The following SMURF1 variants were observed in gnomAD, a reference collection of about 807,000 sequenced individuals.
The protein encoded by SMURF1 is SMAD specific E3 ubiquitin protein ligase 1, also known as E3 ubiquitin-protein ligase SMURF1.
Under a neutral mutation model 98.0 loss-of-function variants are expected in SMURF1, and 44 were observed. That is an observed-to-expected ratio of 0.45 (90% CI 0.35 to 0.58). The LOEUF is 0.58. Ranked by LOEUF, SMURF1 falls within the 20% of genes least tolerant of loss-of-function variation. The pLI is 0.00. For missense variants in SMURF1, 687 were observed against 938.4 expected (o/e 0.73, Z 3.50); for synonymous variants, 396 against 374.9 (o/e 1.06, Z -0.65).
intron 1 of SMURF1, among the ~76,000 whole-genome samples, chr7:99,134,815 C>A (rs1797953557): frequency 6.6e-6 from 1 of 152,062 alleles, no homozygotes; most frequent in South Asian, 2.1e-4. Context: ...TATTCAGAAC[C>A]AAGACCTCAG....
At chr7:99,085,114 G>T (rs2150572313) in intron 1 of SMURF1, among the ~76,000 whole-genome samples, 1 of 152,180 alleles carries the variant, frequency 6.6e-6, no homozygotes, top group South Asian at 2.1e-4. Flanking sequence ...ACTTTGGGAG[G>T]CCGAGGTGGG....
chr7:99,102,377 C>T (rs1797102584), intron 1 of SMURF1, among the ~76,000 whole-genome samples: 1 of 152,038 alleles, frequency 6.6e-6, no homozygotes, highest in African/African-American at 2.4e-5. Flanking sequence ...GCCAAATTTA[C>T]AAAATGAATA....
intron 1 of SMURF1, among the ~76,000 whole-genome samples, chr7:99,088,596 A>C (rs1012457809): frequency 2.0e-5 from 3 of 152,016 alleles, no homozygotes; most frequent in African/African-American, 7.3e-5. Context: ...GACAATAAAC[A>C]CTGACACAGA....
chr7:99,040,851 G>C (rs532689056), intron 12 of SMURF1, among the ~76,000 whole-genome samples: 1 of 152,122 alleles, frequency 6.6e-6, no homozygotes, highest in Non-Finnish European at 1.5e-5. Context: ...TTTCACCTTC[G>C]TGACAACAGA....
At chr7:99,066,784 G>GAA (rs111395590) in intron 1 of SMURF1, among the ~76,000 whole-genome samples, 2 of 92,570 alleles carry the variant, frequency 2.2e-5, no homozygotes, top group Non-Finnish European at 2.3e-5. Flanking sequence ...GTCTCAAAAA[G>GAA]AAAAAAAAAA....
intron 14 of SMURF1, among the ~76,000 whole-genome samples, chr7:99,038,079 C>T (rs763064246): frequency 6.6e-6 from 1 of 152,026 alleles, no homozygotes; most frequent in Non-Finnish European, 1.5e-5. Context: ...GCACGAGAGA[C>T]CCTCCAAGCT....
chr7:99,109,241 C>T (rs890846112), intron 1 of SMURF1, among the ~76,000 whole-genome samples: 1 of 152,192 alleles, frequency 6.6e-6, no homozygotes, highest in African/African-American at 2.4e-5. Flanking sequence ...CCCCATCTTC[C>T]GTTGTCACTC....
intron 1 of SMURF1, among the ~76,000 whole-genome samples, chr7:99,096,178 G>T (rs997244151): frequency 6.6e-6 from 1 of 152,156 alleles, no homozygotes; most frequent in Non-Finnish European, 1.5e-5. Context: ...AAATCATGGG[G>T]TAAACCACCA....
At chr7:99,067,958 C>CA (rs1428574774) in intron 1 of SMURF1, among the ~76,000 whole-genome samples, 3 of 151,918 alleles carry the variant, frequency 2.0e-5, no homozygotes, top group Admixed American at 6.6e-5. Flanking sequence ...TCCCCCCCAC[C>CA]AAAAAAATAC....
At chr7:99,088,415 G>A (rs1796730937) in intron 1 of SMURF1, among the ~76,000 whole-genome samples, 1 of 151,410 alleles carries the variant, frequency 6.6e-6, no homozygotes, top group South Asian at 2.1e-4. Context: ...GCGCTTCCAG[G>A]CCTAGTTCAA....
intron 17 of SMURF1, 63 bp from the exon 18 acceptor site, chr7:99,030,746 C>T: frequency 8.1e-7 from 1 of 1,237,654 alleles, no homozygotes; most frequent in Non-Finnish European, 1.2e-6. Flanking sequence ...ACCTCAAGGC[C>T]AAGGACAGGC....
At chr7:99,143,212 G>A (rs1289917617) in intron 1 of SMURF1, among the ~76,000 whole-genome samples, 1 of 134,652 alleles carries the variant, frequency 7.4e-6, no homozygotes, top group East Asian at 2.3e-4. Context: ...GGGAGGAAAG[G>A]TGGGGAAGAG....
At chr7:99,141,852 C>G (rs1798124846) in intron 1 of SMURF1, among the ~76,000 whole-genome samples, 1 of 152,178 alleles carries the variant, frequency 6.6e-6, no homozygotes, top group South Asian at 2.1e-4. Context: ...CTGACCAAAC[C>G]AGGACTTTGG....
chr7:99,069,404 G>C (rs1246415839), intron 1 of SMURF1, among the ~76,000 whole-genome samples: 1 of 152,162 alleles, frequency 6.6e-6, no homozygotes, highest in Non-Finnish European at 1.5e-5. Flanking sequence ...TGTCACCCAG[G>C]CTAGAATGCA....
At chr7:99,061,010 G>A (rs894551954) in intron 2 of SMURF1, among the ~76,000 whole-genome samples, 8 of 152,088 alleles carry the variant, frequency 5.3e-5, no homozygotes, top group Non-Finnish European at 1.0e-4. Flanking sequence ...ATAATGCCCC[G>A]AAATTTGTTT....
rs377478702 is a variant in SMURF1 at position 99,052,458 on chromosome 7, G to A, written c.480-12C>T. 9.9e-6 allele frequency: 15 copies of A among 1,519,986 alleles called. No individual in the cohort carries two copies. In the African/African-American group the frequency reaches 1.4e-4, roughly 14 times the overall value. 94.2% of individuals were successfully genotyped at this position (1,519,986 alleles called of 1,614,324 possible). ...CTTCATACACCGTTCTGAAAGGGACGAGAGCAGGCAGGCATGGTGTCACCA... is the reference window on the plus strand; with the variant it reads ...CTTCATACACCGTTCTGAAAGGGACAAGAGCAGGCAGGCATGGTGTCACCA... On this transcript the variant is annotated splice_polypyrimidine_tract_variant and intron_variant, in intron 6 of 17. Coordinates refer to ENST00000361368, the MANE Select transcript of SMURF1 (RefSeq NM_181349.3).
chr7:99,062,138 A>T (rs192717727), intron 1 of SMURF1, among the ~76,000 whole-genome samples: 8 of 151,708 alleles, frequency 5.3e-5, no homozygotes, highest in Non-Finnish European at 1.2e-4. Context: ...TCTCTTGCCC[A>T]GGCTGGAGTG....
Position 99,060,548 on chromosome 7 carries a change from A to G in SMURF1, c.203+51T>C, listed in dbSNP as rs372699295. 2.3e-5 allele frequency: 30 copies of G among 1,311,202 alleles called. No homozygotes were observed. In the African/African-American group the frequency reaches 4.1e-4, roughly 18 times the overall value. 81.2% of individuals were successfully genotyped at this position (1,311,202 alleles called of 1,614,324 possible). A position where few individuals can be genotyped will look rare whatever the true frequency, so the allele number is the denominator to read the frequency against. On this transcript the variant is annotated intron_variant, in intron 3 of 17. Coordinates refer to ENST00000361368, the MANE Select transcript of SMURF1 (RefSeq NM_181349.3). ...CTTGGATGTTTCTCGTAAAAGGTAG[A>G]CACCTGCTTTCCTGCCGCTCCGCAT...
intron 1 of SMURF1, among the ~76,000 whole-genome samples, chr7:99,128,773 T>A (rs1251083245): frequency 6.6e-6 from 1 of 152,240 alleles, no homozygotes; most frequent in African/African-American, 2.4e-5. Context: ...GGCACTACCA[T>A]TTAACCTGCC....
Sources: gnomAD v4.1 joint callset for allele counts (sites outside exome capture counted in the v4.1 genomes callset) on GRCh38, gnomAD v4.1.1 for gene constraint, MANE v1.5 for transcripts, NCBI Gene and HGNC (gene_info 2026-07-23, HGNC 2026-07-21) for gene names.